Variants in MBTD1 observed in about 807,000 individuals in gnomAD.
MBTD1 encodes MBT domain-containing protein 1.
MBTD1 carries 24 observed loss-of-function variants against 87.8 expected under a neutral mutation model. That is an observed-to-expected ratio of 0.27 (90% CI 0.20 to 0.38). MBTD1 has a LOEUF of 0.38. Ranked by LOEUF, MBTD1 falls within the 10% of genes least tolerant of loss-of-function variation. The pLI is 1.00. For missense variants in MBTD1, 436 were observed against 760.2 expected, an observed-to-expected ratio of 0.57 and a Z score of 5.02; for synonymous variants, 237 against 248.6, an observed-to-expected ratio of 0.95 and a Z score of 0.44.
chr17:51,259,529 C>T (rs2055327660), intron 1 of MBTD1, among the ~76,000 whole-genome samples: 1 of 152,158 alleles, frequency 6.6e-6, no homozygotes, highest in Non-Finnish European at 1.5e-5. Context: ...CCAGCCTTTC[C>T]CCCCTAGCCA....
chr17:51,244,947 C>G (rs2144090406), intron 2 of MBTD1, among the ~76,000 whole-genome samples: 1 of 151,494 alleles, frequency 6.6e-6, no homozygotes, highest in South Asian at 2.1e-4. Context: ...GTCGCCCAGG[C>G]TGAAGTGCAG....
intron 2 of MBTD1, among the ~76,000 whole-genome samples, chr17:51,234,394 C>T (rs1328087613): frequency 8.1e-6 from 1 of 123,522 alleles, no homozygotes; most frequent in African/African-American, 3.2e-5. Flanking sequence ...ACTTTGTCCC[C>T]GTCTCCAAAA....
chr17:51,228,261 C>T (rs989188094), intron 2 of MBTD1, among the ~76,000 whole-genome samples: 6 of 151,928 alleles, frequency 3.9e-5, no homozygotes, highest in African/African-American at 9.7e-5. Context: ...GGAAAAATAA[C>T]GAATGAGTAC....
At chr17:51,219,591 T>C (rs773375350) in intron 4 of MBTD1, among the ~76,000 whole-genome samples, 1 of 152,182 alleles carries the variant, frequency 6.6e-6, no homozygotes, top group Non-Finnish European at 1.5e-5. Context: ...ATCTGAAATA[T>C]AGAAATACAT....
At chr17:51,248,313 GTTTAGGGCTATGAA>G (rs2054569333) in intron 2 of MBTD1, among the ~76,000 whole-genome samples, 1 of 152,140 alleles carries the variant, frequency 6.6e-6, no homozygotes, top group Non-Finnish European at 1.5e-5. Context: ...TTATGTAAGT[GTTTAGGGCTATGAA>G]TTTTCCTCTG....
In MBTD1 at chr17:51,192,394, A is replaced by G. The variant is rs963022965; in HGVS notation, c.1691-114T>C. 5.5e-6 allele frequency: 4 copies of G among 733,856 alleles called. No homozygotes were observed. The African/African-American group carries it at 7.1e-5, about 13-fold the overall frequency. 45.5% of individuals were successfully genotyped at this position (733,856 alleles called of 1,614,324 possible). ...TTTACCAAGACCATTATACTTAAGT[A>G]CATGATGCTCTGAAAATAAGGGTAC... On this transcript the variant is annotated intron_variant, in intron 15 of 16. Transcript: ENST00000586178.
intron 2 of MBTD1, among the ~76,000 whole-genome samples, chr17:51,239,163 T>A (rs9912818): frequency 3.3e-5 from 5 of 151,370 alleles, no homozygotes; most frequent in Non-Finnish European, 7.4e-5. Context: ...CATTTCCCAA[T>A]GAGATTAAAA....
At chr17:51,227,144 A>C (rs1464449556) in intron 2 of MBTD1, among the ~76,000 whole-genome samples, 4 of 149,780 alleles carry the variant, frequency 2.7e-5, no homozygotes, top group South Asian at 2.1e-4. Context: ...GGGGAGGATG[A>C]GGCAGGAGAA....
intron 16 of MBTD1, chr17:51,183,166 C>CTTTTTTTTTTTTTTTTTTTTTTTTT: frequency 8.9e-6 from 1 of 112,338 alleles, no homozygotes; most frequent in Non-Finnish European, 1.7e-5. Flanking sequence ...AAAGAATAAT[C>CTTTTTTTTTTTTTTTTTTTTTTTTT]TTTTTTTTTT....
intron 16 of MBTD1, chr17:51,186,268 A>G (rs1221784752): frequency 4.6e-5 from 7 of 152,654 alleles, no homozygotes; most frequent in African/African-American, 1.7e-4. Context: ...CGTGGTAAGA[A>G]AAGTGCATTA....
chr17:51,231,346 C>A (rs4794213), intron 2 of MBTD1, among the ~76,000 whole-genome samples: 1 of 151,984 alleles, frequency 6.6e-6, no homozygotes, highest in Non-Finnish European at 1.5e-5. Context: ...CCCAGAATAT[C>A]TTATTCTGAC....
chr17:51,259,519 C>G (rs2055326467), intron 1 of MBTD1, among the ~76,000 whole-genome samples: 1 of 152,152 alleles, frequency 6.6e-6, no homozygotes, highest in African/African-American at 2.4e-5. Context: ...AGTCTCGGAT[C>G]CAGCCTTTCC....
intron 16 of MBTD1, among the ~76,000 whole-genome samples, chr17:51,186,990 G>T (rs1044187406): frequency 6.6e-6 from 1 of 152,084 alleles, no homozygotes; most frequent in African/African-American, 2.4e-5. Flanking sequence ...GGTGTAGGAG[G>T]TTACTGATAT....
intron 3 of MBTD1, 57 bp from the exon 4 acceptor site, chr17:51,220,520 T>G: frequency 7.1e-7 from 1 of 1,416,524 alleles, no homozygotes; most frequent in Non-Finnish European, 9.5e-7. Flanking sequence ...TCAATCTTCA[T>G]CTAACAGTTT....
intron 2 of MBTD1, among the ~76,000 whole-genome samples, chr17:51,226,407 G>A (rs1326712194): frequency 2.0e-5 from 3 of 151,040 alleles, no homozygotes; most frequent in African/African-American, 7.3e-5. Context: ...TCCCAGCTAT[G>A]TGGGAGGATC....
intron 2 of MBTD1, among the ~76,000 whole-genome samples, 181 bp downstream of exon 2, chr17:51,258,962 G>A (rs1465350607): frequency 6.6e-6 from 1 of 152,150 alleles, no homozygotes; most frequent in African/African-American, 2.4e-5. Context: ...GGTGGGTGAG[G>A]AGGATGTGAG....
chr17:51,212,748 C>T (rs1451558276), intron 6 of MBTD1, among the ~76,000 whole-genome samples: 1 of 151,904 alleles, frequency 6.6e-6, no homozygotes, highest in African/African-American at 2.4e-5. Context: ...ATGAAGAGTG[C>T]TTAATTTATT....
chr17:51,182,346 T>G (rs539679257), intron 16 of MBTD1, among the ~76,000 whole-genome samples: 1 of 152,146 alleles, frequency 6.6e-6, no homozygotes, highest in African/African-American at 2.4e-5. Flanking sequence ...GGGCTGGTCT[T>G]GAACTCCTAG....
At chr17:51,194,566 C>CA (rs71355733) in intron 13 of MBTD1, among the ~76,000 whole-genome samples, 1,256 of 19,708 alleles carry the variant, frequency 0.064, 380 homozygotes, top group Admixed American at 0.088. Context: ...GAGACTGTCT[C>CA]AAAAAAAAAA....
Sources: gnomAD v4.1 joint callset for allele counts (sites outside exome capture counted in the v4.1 genomes callset) on GRCh38, gnomAD v4.1.1 for gene constraint, MANE v1.5 for transcripts, NCBI Gene and HGNC (gene_info 2026-07-23, HGNC 2026-07-21) for gene names.